MTG1: variants seen among roughly 807,000 people sequenced by gnomAD.
The protein encoded by MTG1 is mitochondrial ribosome-associated GTPase 1.
A neutral mutation model predicts 39.5 loss-of-function variants in MTG1; 30 were observed. The observed-to-expected ratio is 0.76, with a 90% CI of 0.57 to 1.03. The LOEUF is 1.03. MTG1 is among the 50% of genes least tolerant of loss of function. The pLI is 0.00. For synonymous variants in MTG1, 217 were observed against 179.0 expected, an observed-to-expected ratio of 1.21 and a Z score of -1.69; for missense variants, 513 against 447.4, an observed-to-expected ratio of 1.15 and a Z score of -1.32.
chr10:133,401,815 C>T, intron 7 of MTG1: 2 of 688,014 alleles, frequency 2.9e-6, no homozygotes, highest in Non-Finnish European at 5.3e-6. Flanking sequence ...TCCCCATTTC[C>T]AGATGAGGAG....
At chr10:133,394,900 G>C (rs1419283325) in intron 1 of MTG1, 1 of 227,496 alleles carries the variant, frequency 4.4e-6, no homozygotes, top group African/African-American at 2.3e-5. Flanking sequence ...GCGTGTACTG[G>C]GGGCCGAGGG....
chr10:133,409,446 CAT>C (rs1408491847), intron 9 of MTG1, among the ~76,000 whole-genome samples: 1 of 152,162 alleles, frequency 6.6e-6, no homozygotes, highest in Non-Finnish European at 1.5e-5. Context: ...TGTGGCCTAA[CAT>C]ATGGTATATT....
chr10:133,409,071 T>A (rs1850008656), intron 9 of MTG1, among the ~76,000 whole-genome samples: 1 of 151,892 alleles, frequency 6.6e-6, no homozygotes, highest in Non-Finnish European at 1.5e-5. Context: ...TTATTTCTCT[T>A]CTTCTACTAA....
At position 133,399,318 on chromosome 10, in the gene MTG1, G is replaced by A. The variant is rs949790329; in HGVS notation, c.420+92G>A. On this transcript the variant is annotated intron_variant, in intron 5 of 10. Coordinates refer to ENST00000317502, the MANE Select transcript of MTG1 (RefSeq NM_138384.4). The stretch of plus-strand genomic sequence containing the variant: ...GGCCTCTCCAAGGAGAAGGCGCAGC[G>A]CCCCAGGCAGGGAGGCCCCTCCTTT... 14 of 1,465,460 alleles carry A rather than the reference G, an allele frequency of 9.6e-6. No individual in the cohort carries two copies. In the Admixed American group the frequency reaches 1.4e-4, roughly 15 times the overall value. 90.8% of individuals were successfully genotyped at this position (1,465,460 alleles called of 1,614,324 possible). A position where few individuals can be genotyped will look rare whatever the true frequency, so the allele number is the denominator to read the frequency against.
chr10:133,394,658 A>G (rs544318581), intron 1 of MTG1: 1 of 1,181,798 alleles, frequency 8.5e-7, no homozygotes, highest in East Asian at 4.3e-5. Flanking sequence ...TAATCCCCCG[A>G]AGCCTCCGTT....
chr10:133,409,451 G>GGTATGTTCTGTGGCCTAACATATT (rs1850014272), intron 9 of MTG1, among the ~76,000 whole-genome samples: 1 of 152,082 alleles, frequency 6.6e-6, no homozygotes, highest in African/African-American at 2.4e-5. Flanking sequence ...CCTAACATAT[G>GGTATGTTCTGTGGCCTAACATATT]GTATATTCTG....
At chr10:133,398,684 G>A (rs1245038977) in intron 4 of MTG1, among the ~76,000 whole-genome samples, 169 bp downstream of exon 4, 1 of 152,334 alleles carries the variant, frequency 6.6e-6, no homozygotes, top group African/African-American at 2.4e-5. Flanking sequence ...GGGTCTCCCT[G>A]TACTGAGGGC....
chr10:133,412,964 C>T (rs1028977959), intron 9 of MTG1, among the ~76,000 whole-genome samples: 1 of 152,124 alleles, frequency 6.6e-6, no homozygotes, highest in Admixed American at 6.5e-5. Context: ...TCGTGTATTT[C>T]GAAGCTCTGC....
chr10:133,415,227 G>A (rs1337784385), intron 9 of MTG1, among the ~76,000 whole-genome samples: 2 of 152,170 alleles, frequency 1.3e-5, no homozygotes, highest in African/African-American at 4.8e-5. Flanking sequence ...AGCGGGAGCG[G>A]GCGCCCCTGT....
intron 9 of MTG1, among the ~76,000 whole-genome samples, chr10:133,408,810 C>T (rs187171811): frequency 5.7e-4 from 87 of 152,308 alleles, no homozygotes; most frequent in Non-Finnish European, 1.0e-3. Flanking sequence ...TCCCTTTCGT[C>T]TGGGTTTTCC....
chr10:133,411,564 A>T (rs1260965528), intron 9 of MTG1, among the ~76,000 whole-genome samples: 1 of 152,104 alleles, frequency 6.6e-6, no homozygotes, highest in Non-Finnish European at 1.5e-5. Flanking sequence ...TTCCTTCTTG[A>T]ACCCCAGTAA....
Position 133,419,592 on chromosome 10 carries a change from G to A in MTG1, c.865G>A (p.Gly289Ser). 1 of 1,596,212 alleles carries A rather than the reference G, an allele frequency of 6.3e-7. No homozygotes were observed. Among genetic ancestry groups the A allele is most frequent in the Non-Finnish European group, 8.5e-7 (1 of 1,171,838 alleles). Residue 289 changes from glycine (G) to serine (S), a missense_variant and splice_region_variant, in exon 10 of 11, where the codon GGT (glycine) becomes AGT (serine). Physicochemically the swap from Gly to Ser is moderately conservative, Grantham distance 56. Transcript: ENST00000317502. ...TQKVKVLTGT[G>S]NVNIIQPNYP... ...GAAGGTGAAGGTGCTCACGGGCACG[G>A]GTGAGTGAGGTCGCTGATGCGGGCA...
Position 133,402,841 on chromosome 10 carries a change from AAAC to A in MTG1, c.752+71_752+73del. On this transcript the variant is annotated intron_variant, in intron 9 of 10. Transcript: ENST00000317502. This position sits in a 1 kb window ranked among gnomAD's most constrained non-coding sequence, Gnocchi z 4.7. ...GTCACCTCATTTAAAAAAAAAAAACAAACAAAAAAACCCCCAGCATTATAAAGG... is the reference window on the plus strand; with the variant it reads ...GTCACCTCATTTAAAAAAAAAAAACAAAAAAAACCCCCAGCATTATAAAGG... 2 of 1,135,996 alleles carry A rather than the reference AAAC, an allele frequency of 1.8e-6. No homozygotes were observed. Among genetic ancestry groups the A allele is most frequent in the Non-Finnish European group, 1.3e-6 (1 of 797,626 alleles). The allele number at this position is 1,135,996 out of a possible 1,614,324, so 70.4% of individuals were successfully genotyped here.
chr10:133,395,582 T>C, intron 1 of MTG1, 131 bp from the exon 2 acceptor site: 1 of 833,956 alleles, frequency 1.2e-6, no homozygotes, highest in Non-Finnish European at 2.0e-6. Flanking sequence ...TACCATTACT[T>C]AGTACGCTTC....
rs1171981482 is a variant in MTG1, at chr10:133,399,048, C to T, written c.364-122C>T. ...TTCCAGATAGGAGGTTTCTGTTTTC[C>T]TAACGGATATGTGAAAGTGGAGACA... On this transcript the variant is annotated intron_variant, in intron 4 of 10. Transcript: ENST00000317502. 6.4e-6 allele frequency: 7 copies of T among 1,100,450 alleles called. No homozygotes were observed. In the East Asian group the frequency reaches 1.7e-4, roughly 27 times the overall value. The allele number at this position is 1,100,450 out of a possible 1,614,324, so 68.2% of individuals were successfully genotyped here.
In MTG1 at chr10:133,402,583, TC is replaced by T. The variant is rs1849899504; in HGVS notation, c.671-107del. The T allele has an allele frequency of 9.7e-7, 1 of 1,029,802 alleles. No homozygotes were observed. Among genetic ancestry groups the T allele is most frequent in the Admixed American group, 2.4e-5 (1 of 42,196 alleles). 63.8% of individuals were successfully genotyped at this position (1,029,802 alleles called of 1,614,324 possible). On this transcript the variant is annotated intron_variant, in intron 8 of 10. Transcript: ENST00000317502. The surrounding 1 kb of genome is among the most constrained non-coding windows in gnomAD (Gnocchi z 4.7). ...GTGTCTTTGTCAGTGGCTGGCCTCT[TC>T]CTCACGGCACGGTGTCTTTGGGCTA... is the stretch of plus-strand genomic sequence containing the variant.
intron 9 of MTG1, among the ~76,000 whole-genome samples, chr10:133,406,077 C>T (rs542096144): frequency 1.3e-5 from 2 of 152,184 alleles, no homozygotes; most frequent in South Asian, 2.1e-4. Flanking sequence ...TTGCATTTCT[C>T]TGGTGATTAG....
chr10:133,414,340 C>A (rs1424803498), intron 9 of MTG1, among the ~76,000 whole-genome samples: 2 of 152,148 alleles, frequency 1.3e-5, no homozygotes, highest in African/African-American at 4.8e-5. Context: ...CGGCAACCAT[C>A]CGATTTCTCA....
intron 9 of MTG1, among the ~76,000 whole-genome samples, chr10:133,406,935 CCCGG>C (rs1849978328): frequency 6.6e-6 from 1 of 152,130 alleles, no homozygotes; most frequent in Admixed American, 6.6e-5. Flanking sequence ...AGCCACCGCA[CCCGG>C]CCAGATTTAA....
Sources: gnomAD v4.1 joint callset for allele counts (sites outside exome capture counted in the v4.1 genomes callset) on GRCh38, gnomAD v4.1.1 for gene constraint, Gnocchi (gnomAD v3.1) non-coding constraint, MANE v1.5 for transcripts, NCBI Gene and HGNC (gene_info 2026-07-23, HGNC 2026-07-21) for gene names.